ISM1: variants seen among roughly 807,000 people sequenced by gnomAD.
The protein encoded by ISM1 is isthmin 1, also known as isthmin-1.
Under a neutral mutation model 46.3 loss-of-function variants are expected in ISM1, and 25 were observed. The observed-to-expected ratio is 0.54, with a 90% CI of 0.39 to 0.75. The LOEUF (loss-of-function observed/expected upper bound fraction) is 0.75. Ranked by LOEUF, ISM1 falls within the 30% of genes least tolerant of loss-of-function variation. The pLI, the probability that ISM1 is intolerant of heterozygous loss-of-function variation, is 0.00. For missense variants in ISM1, 536 were observed against 625.4 expected (o/e 0.86, Z 1.52); for synonymous variants, 255 against 256.7 (o/e 0.99, Z 0.06).
the ISM1 span, among the ~76,000 whole-genome samples, chr20:13,317,437 T>C: frequency 6.6e-6 from 1 of 152,008 alleles, no homozygotes. Context: ...TATCAATAAA[T>C]TGGTTCTAAA....
intron 1 of ISM1, among the ~76,000 whole-genome samples, chr20:13,251,863 A>G (rs2039871714): frequency 6.6e-6 from 1 of 152,156 alleles, no homozygotes; most frequent in Admixed American, 6.6e-5. Flanking sequence ...TAGTAACTGA[A>G]TACCCAGGAC....
chr20:13,288,791 CT>C (rs34117863), intron 4 of ISM1, 108 bp downstream of exon 4: 10,854 of 946,700 alleles, frequency 0.011, no homozygotes, highest in South Asian at 0.023. Context: ...CTTTTCTTTT[CT>C]TTTTTTTTTT....
At chr20:13,312,104 T>C in the ISM1 span, among the ~76,000 whole-genome samples, 1 of 152,198 alleles carries the variant, frequency 6.6e-6, no homozygotes, top group East Asian at 1.9e-4. Context: ...TATCTTAAAG[T>C]GTTGATACGA....
At chr20:13,291,026 T>C (rs2040348053) in intron 4 of ISM1, among the ~76,000 whole-genome samples, 1 of 152,234 alleles carries the variant, frequency 6.6e-6, no homozygotes, top group African/African-American at 2.4e-5. Context: ...CAGATAGCAT[T>C]TGAAGTCAAG....
rs1305325702 is a variant in ISM1, at chr20:13,292,423, G to A, written c.837G>A (p.Ala279=). Residue 279 remains alanine (A), a synonymous_variant, in exon 5 of 6, where the codon GCG becomes GCA. Coordinates refer to ENST00000262487, the MANE Select transcript of ISM1 (RefSeq NM_080826.2). ...CTGCCACCGAAGTGAGTCTGCTTGC[G>A]GGAAGCGAGGAGTTTAATGCCACCA... ...RTAATEVSLL[A]GSEEFNATKL... is the part of the protein sequence containing the mutation. 4.4e-6 allele frequency: 7 copies of A among 1,606,364 alleles called. No homozygotes were observed. The highest frequency in any genetic ancestry group is 1.3e-5 in the African/African-American group (1 of 74,950).
In ISM1 at chr20:13,288,771, A is replaced by C. The variant is rs1216380542; in HGVS notation, c.787+88A>C. Reference sequence around the variant, plus strand: ...AACTTAGTGACATTGTCTTTTTAAAAGATGCACTACTTTTCTTTTCTTTTT... The same window carrying C: ...AACTTAGTGACATTGTCTTTTTAAACGATGCACTACTTTTCTTTTCTTTTT... On this transcript the variant is annotated intron_variant, in intron 4 of 5. Transcript: ENST00000262487. 4 of 1,357,126 alleles carry C rather than the reference A, an allele frequency of 2.9e-6. No individual in the cohort carries two copies. In the Admixed American group the frequency reaches 8.6e-5, roughly 29 times the overall value. 84.1% of individuals were successfully genotyped at this position (1,357,126 alleles called of 1,614,324 possible). A position where few individuals can be genotyped will look rare whatever the true frequency, so the allele number is the denominator to read the frequency against.
At chr20:13,305,344 C>G (rs2040491835), downstream of ISM1, among the ~76,000 whole-genome samples, 1 of 152,126 alleles carries the variant, frequency 6.6e-6, no homozygotes, top group African/African-American at 2.4e-5. Flanking sequence ...CCGTACTACT[C>G]TGAGGACCAC....
At chr20:13,279,585 T>A (rs777036860) in intron 2 of ISM1, 49 bp from the exon 3 acceptor site, 1 of 1,564,538 alleles carries the variant, frequency 6.4e-7, no homozygotes, top group East Asian at 2.3e-5. Flanking sequence ...TCATGTAGCT[T>A]GGAGGCTGTT....
At chr20:13,238,875 T>C (rs1034858218) in intron 1 of ISM1, 4 of 152,194 alleles carry the variant, frequency 2.6e-5, no homozygotes, top group Non-Finnish European at 5.9e-5. Flanking sequence ...GTTTAACCCA[T>C]TACTCCTGAA....
chr20:13,283,446 AATTTATAT>A (rs1351019193), intron 3 of ISM1, among the ~76,000 whole-genome samples: 2 of 152,170 alleles, frequency 1.3e-5, no homozygotes, highest in Non-Finnish European at 2.9e-5. Flanking sequence ...TTTTAGTAAG[AATTTATAT>A]ATTTGTCCGC....
At chr20:13,313,745 T>A in the ISM1 span, among the ~76,000 whole-genome samples, 3 of 152,040 alleles carry the variant, frequency 2.0e-5, no homozygotes, top group Non-Finnish European at 4.4e-5. Flanking sequence ...TAAGACATAG[T>A]AAAAGGCAAA....
rs200597077 is a variant in ISM1, at chr20:13,288,553, C to T, written c.657C>T (p.Gly219=). 1.7e-5 allele frequency: 27 copies of T among 1,613,592 alleles called. No homozygotes were observed. The African/African-American group carries it at 2.0e-4, about 12-fold the overall frequency. The change falls in exon 4 of 6, where the codon GGC becomes GGT. Residue 219 remains glycine (G), a synonymous_variant. Transcript: ENST00000262487. ...KDQPEYDSTD[G]EGDWSLWSVC... ...GCTGTCTTCCAGATTCCACAGATGG[C>T]GAGGGTGACTGGAGTCTCTGGTCTG...
chr20:13,299,190 G>C lies in ISM1; in HGVS notation c.1126G>C (p.Glu376Gln). The change falls in exon 6 of 6, where the codon GAG (glutamate) becomes CAG (glutamine). Residue 376 changes from glutamate (E) to glutamine (Q), a missense_variant. Around this residue, in one of 2 missense-constraint regions of ISM1, gnomAD observed 169 missense variants for 249.3 expected, o/e 0.68. Coordinates refer to ENST00000262487, the MANE Select transcript of ISM1 (RefSeq NM_080826.2). This position sits in a 1 kb window ranked among gnomAD's most constrained non-coding sequence, Gnocchi z 5.8. ...CTGCATCCGCTCCATGCTGTCCCTG[G>C]AGAGCACCACGCTGGCGGCACAGCA... is the stretch of plus-strand genomic sequence containing the variant. The part of the protein sequence containing the change: ...RYCIRSMLSL[E>Q]STTLAAQHCC... 1 of 1,606,064 alleles carries C rather than the reference G, an allele frequency of 6.2e-7. No homozygotes were observed. Among genetic ancestry groups the C allele is most frequent in the Non-Finnish European group, 8.5e-7 (1 of 1,176,306 alleles).
Position 13,270,750 on chromosome 20 carries a change from C to T in ISM1, c.378+7C>T. 1 of 1,612,406 alleles carries T rather than the reference C, an allele frequency of 6.2e-7. No individual in the cohort carries two copies. Among genetic ancestry groups the T allele is most frequent in the Non-Finnish European group, 8.5e-7 (1 of 1,178,976 alleles). On this transcript the variant is annotated splice_region_variant and intron_variant, in intron 2 of 5. Coordinates refer to ENST00000262487, the MANE Select transcript of ISM1 (RefSeq NM_080826.2). ...GCAGAATCCAAATATCCAGGTAATT[C>T]TTGGCACCTGGAAGATGGGAGATAA...
downstream of ISM1, among the ~76,000 whole-genome samples, chr20:13,302,684 G>A (rs1423957338): frequency 1.3e-5 from 2 of 152,128 alleles, no homozygotes; most frequent in East Asian, 1.9e-4. Flanking sequence ...ATATGACCCC[G>A]CAGTAGCTGC....
At chr20:13,322,833 C>G in the ISM1 span, among the ~76,000 whole-genome samples, 1 of 152,140 alleles carries the variant, frequency 6.6e-6, no homozygotes, top group East Asian at 1.9e-4. Flanking sequence ...GAAAACAGTC[C>G]TGGCAAAGCC....
intron 5 of ISM1, among the ~76,000 whole-genome samples, chr20:13,294,067 G>T (rs2040382530): frequency 6.6e-6 from 1 of 152,166 alleles, no homozygotes; most frequent in Non-Finnish European, 1.5e-5. Context: ...AAAATGAAAA[G>T]CTTTATCCAA....
chr20:13,316,769 G>A, the ISM1 span, among the ~76,000 whole-genome samples: 1 of 151,330 alleles, frequency 6.6e-6, no homozygotes, highest in African/African-American at 2.4e-5. Flanking sequence ...CAATGAACTA[G>A]GAATAGATGG....
the ISM1 span, among the ~76,000 whole-genome samples, chr20:13,320,631 C>T: frequency 6.6e-6 from 1 of 152,204 alleles, no homozygotes; most frequent in Non-Finnish European, 1.5e-5. Context: ...AAGCTTATTG[C>T]TCTCTCATTA....
Sources: gnomAD v4.1 joint callset for allele counts (sites outside exome capture counted in the v4.1 genomes callset) on GRCh38, gnomAD v4.1.1 for gene constraint, gnomAD v4.1.1 regional missense constraint, Gnocchi (gnomAD v3.1) non-coding constraint, MANE v1.5 for transcripts, NCBI Gene and HGNC (gene_info 2026-07-23, HGNC 2026-07-21) for gene names.